CAPZB: variants seen among roughly 807,000 people sequenced by gnomAD.
CAPZB encodes the protein capping actin protein of muscle Z-line subunit beta.
Under a neutral mutation model 38.1 loss-of-function variants are expected in CAPZB, and 2 were observed. That is an observed-to-expected ratio of 0.05 (90% CI 0.02 to 0.17). CAPZB has a LOEUF of 0.17. CAPZB is among the 10% of genes least tolerant of loss of function. The probability of loss-of-function intolerance (pLI) is 1.00; values close to 1 mark genes in which losing one functional copy is unlikely to be tolerated. For synonymous variants in CAPZB, 107 were observed against 127.4 expected, an observed-to-expected ratio of 0.84 and a Z score of 1.08; for missense variants, 161 against 334.2, an observed-to-expected ratio of 0.48 and a Z score of 4.04.
chr1:19,396,099 C>T (rs1459782894), intron 2 of CAPZB, among the ~76,000 whole-genome samples: 1 of 152,266 alleles, frequency 6.6e-6, no homozygotes, highest in Non-Finnish European at 1.5e-5. Flanking sequence ...ACGGCAGAGG[C>T]CGTTGCCCCG....
At chr1:19,427,839 A>G (rs1010451765) in intron 1 of CAPZB, among the ~76,000 whole-genome samples, 3 of 152,208 alleles carry the variant, frequency 2.0e-5, no homozygotes, top group African/African-American at 4.8e-5. Context: ...GCCTTCTTCA[A>G]CCTTTTGGGG....
intron 1 of CAPZB, among the ~76,000 whole-genome samples, chr1:19,442,487 A>G (rs2094480914): frequency 6.6e-6 from 1 of 152,210 alleles, no homozygotes; most frequent in African/African-American, 2.4e-5. Flanking sequence ...AATTTAAATC[A>G]GGCAACACTA....
At chr1:19,363,046 CCCGG>C (rs1298591764) in intron 4 of CAPZB, among the ~76,000 whole-genome samples, 4 of 152,270 alleles carry the variant, frequency 2.6e-5, no homozygotes, top group Non-Finnish European at 5.9e-5. Context: ...TACCAACGGT[CCCGG>C]CGCCTTTTAA....
chr1:19,468,778 C>G (rs2100767183), intron 1 of CAPZB, among the ~76,000 whole-genome samples: 1 of 152,286 alleles, frequency 6.6e-6, no homozygotes, highest in Middle Eastern at 3.4e-3. Flanking sequence ...TCCTGGGCCA[C>G]TGAGTCGGCA....
rs188422345 is a variant in CAPZB, at chr1:19,370,962, C to T, written c.329+7578G>A. Among the ~76,000 whole-genome samples the T allele has an allele frequency of 2.3e-3, 349 of 152,304 alleles. 2 individuals carry two copies. Among genetic ancestry groups the T allele is most frequent in the African/African-American group, 8.3e-3 (345 of 41,562 alleles). On this transcript the variant is annotated intron_variant, in intron 4 of 8. Transcript: ENST00000264202. ...TGTTCCTGTGTTGAAACATGGGCCC[C>T]ATGAGGGAGGGACTGGGCCTGACAC...
chr1:19,407,768 T>C (rs779123635), intron 2 of CAPZB, among the ~76,000 whole-genome samples: 1 of 152,158 alleles, frequency 6.6e-6, no homozygotes, highest in Non-Finnish European at 1.5e-5. Flanking sequence ...TTCCGAAGAC[T>C]TTCCCAATGA....
chr1:19,458,806 A>G (rs2094541313), intron 1 of CAPZB, among the ~76,000 whole-genome samples: 2 of 152,280 alleles, frequency 1.3e-5, no homozygotes, highest in Non-Finnish European at 2.9e-5. Flanking sequence ...TGTAATCCAA[A>G]AAGGAGAGAA....
intron 1 of CAPZB, among the ~76,000 whole-genome samples, chr1:19,478,929 G>A (rs905771732): frequency 6.6e-6 from 1 of 152,174 alleles, no homozygotes; most frequent in African/African-American, 2.4e-5. Context: ...CTAGCTCCTG[G>A]CCAAGTACAG....
At position 19,357,494 on chromosome 1, in the gene CAPZB, G is replaced by A. The variant is rs1337157716; in HGVS notation, c.399C>T (p.Leu133=). The change falls in exon 5 of 9, where the codon CTC becomes CTT. Residue 133 remains leucine (L), a synonymous_variant. Transcript: ENST00000264202. This position sits in a 1 kb window ranked among gnomAD's most constrained non-coding sequence, Gnocchi z 4.3. ...TTGATCCATCTCCAGCCTTCTTTAT[G>A]AGGATCACTCCAGCAAAGCCATGAT... The part of the protein sequence containing the change: ...DLDHGFAGVI[L]IKKAGDGSKK... The A allele has an allele frequency of 1.9e-6, 3 of 1,613,936 alleles. No homozygotes were observed. Among genetic ancestry groups the A allele is most frequent in the African/African-American group, 2.7e-5 (2 of 75,034 alleles).
chr1:19,369,900 G>A (rs911939349), intron 4 of CAPZB, among the ~76,000 whole-genome samples: 1 of 152,142 alleles, frequency 6.6e-6, no homozygotes, highest in South Asian at 2.1e-4. Flanking sequence ...AAAAGCCCCC[G>A]GGGCACCTGG....
At chr1:19,408,460 C>T (rs1437610043) in intron 2 of CAPZB, among the ~76,000 whole-genome samples, 2 of 152,156 alleles carry the variant, frequency 1.3e-5, no homozygotes, top group African/African-American at 4.8e-5. Flanking sequence ...TGAGCCTTCT[C>T]TTCTGGCTCT....
Position 19,446,068 on chromosome 1 carries a change from G to C in CAPZB, c.4-26318C>G, listed in dbSNP as rs549467041. ...CAGAGAGGCTCAACAGATAACCTGAGAGCGGCAGGGTCAGCGAGGTCAGTT... is the reference window on the plus strand; with the variant it reads ...CAGAGAGGCTCAACAGATAACCTGACAGCGGCAGGGTCAGCGAGGTCAGTT... On this transcript the variant is annotated intron_variant, in intron 1 of 8. Transcript: ENST00000264202. Among the ~76,000 whole-genome samples, 6 of 152,316 alleles carry C rather than the reference G, an allele frequency of 3.9e-5. No homozygotes were observed. The East Asian group carries it at 9.7e-4, about 25-fold the overall frequency.
At chr1:19,342,994 C>A in intron 8 of CAPZB, 1 of 683,414 alleles carries the variant, frequency 1.5e-6, no homozygotes, top group Non-Finnish European at 2.7e-6. Context: ...GCCGTGGCGG[C>A]TCTGGGGTGT....
chr1:19,401,949 C>T (rs12117135), intron 2 of CAPZB, among the ~76,000 whole-genome samples: 5,908 of 152,270 alleles, frequency 0.039, 136 homozygotes, highest in African/African-American at 0.051. Flanking sequence ...ATGAAGTTCA[C>T]TGGAGTTTGG....
At chr1:19,346,846 G>A (rs1202086314) in intron 6 of CAPZB, among the ~76,000 whole-genome samples, 31 of 139,752 alleles carry the variant, frequency 2.2e-4, no homozygotes, top group East Asian at 4.3e-4. Flanking sequence ...TTTTTGAGAC[G>A]GAGTTTCGCT....
At chr1:19,484,659 C>T in intron 1 of CAPZB, 1 of 1,159,040 alleles carries the variant, frequency 8.6e-7, no homozygotes, top group Non-Finnish European at 1.1e-6. Context: ...GCCCCAGGTA[C>T]AGGGAAGGGG....
intron 1 of CAPZB, among the ~76,000 whole-genome samples, chr1:19,429,729 T>G (rs2094435997): frequency 6.6e-6 from 1 of 152,184 alleles, no homozygotes; most frequent in African/African-American, 2.4e-5. Context: ...TTTCCCTCAC[T>G]TGACACAGGT....
chr1:19,393,468 A>C (rs1380280494), intron 2 of CAPZB, among the ~76,000 whole-genome samples: 2 of 152,140 alleles, frequency 1.3e-5, no homozygotes, highest in Non-Finnish European at 2.9e-5. Flanking sequence ...GCACCCCCCA[A>C]CCTGTGGATG....
intron 8 of CAPZB, among the ~76,000 whole-genome samples, chr1:19,343,521 G>A (rs1194477217): frequency 4.6e-5 from 7 of 152,212 alleles, no homozygotes; most frequent in East Asian, 3.9e-4. Context: ...TCAGCCGACC[G>A]TGCCTCCTCG....
Sources: gnomAD v4.1 joint callset for allele counts (sites outside exome capture counted in the v4.1 genomes callset) on GRCh38, gnomAD v4.1.1 for gene constraint, Gnocchi (gnomAD v3.1) non-coding constraint, MANE v1.5 for transcripts, NCBI Gene and HGNC (gene_info 2026-07-23, HGNC 2026-07-21) for gene names.